CRIM1: variants seen among roughly 807,000 people sequenced by gnomAD.
CRIM1 encodes the protein cysteine-rich motor neuron 1 protein.
Under a neutral mutation model 116.4 loss-of-function variants are expected in CRIM1, and 32 were observed. The ratio of observed to expected loss-of-function variants is 0.27; its 90% CI spans 0.21 to 0.37. The LOEUF is 0.37. Ranked by LOEUF, CRIM1 falls within the 10% of genes least tolerant of loss-of-function variation. The pLI, the probability that CRIM1 is intolerant of heterozygous loss-of-function variation, is 1.00. For synonymous variants in CRIM1, 590 were observed against 509.2 expected (o/e 1.16, Z -2.13); for missense variants, 1,331 against 1,354.8 (o/e 0.98, Z 0.28).
intron 2 of CRIM1, among the ~76,000 whole-genome samples, chr2:36,401,011 G>A (rs1254324983): frequency 6.6e-6 from 1 of 152,118 alleles, no homozygotes; most frequent in Admixed American, 6.5e-5. Flanking sequence ...TCTTGGCAGA[G>A]CATAATGAGA....
At chr2:36,367,015 G>A (rs892854758) in intron 1 of CRIM1, among the ~76,000 whole-genome samples, 36 of 152,290 alleles carry the variant, frequency 2.4e-4, no homozygotes, top group Admixed American at 1.0e-3. Flanking sequence ...TGCAGATCTC[G>A]AAAACCTTTT....
intron 4 of CRIM1, among the ~76,000 whole-genome samples, chr2:36,462,308 G>GTTT (rs1677643000): frequency 6.6e-6 from 1 of 152,134 alleles, no homozygotes; most frequent in African/African-American, 2.4e-5. Context: ...TCACCTCTAT[G>GTTT]CAATATATGT....
intron 2 of CRIM1, among the ~76,000 whole-genome samples, chr2:36,409,779 TAAG>T (rs1444164090): frequency 2.0e-5 from 3 of 152,272 alleles, no homozygotes; most frequent in Non-Finnish European, 4.4e-5. Flanking sequence ...ATGTGTAACT[TAAG>T]AAAGGTATTT....
chr2:36,369,379 C>A (rs1312964591), intron 1 of CRIM1: 5 of 152,182 alleles, frequency 3.3e-5, no homozygotes, highest in African/African-American at 4.8e-5. Flanking sequence ...AGATGCTTTC[C>A]AGCAGTCTTA....
At chr2:36,389,758 T>C (rs1572622170) in intron 1 of CRIM1, among the ~76,000 whole-genome samples, 1 of 152,168 alleles carries the variant, frequency 6.6e-6, no homozygotes, top group Non-Finnish European at 1.5e-5. Flanking sequence ...CGTGCACTCA[T>C]ACCTGAAATG....
At chr2:36,484,449 A>G (rs915593270) in intron 7 of CRIM1, among the ~76,000 whole-genome samples, 5 of 152,094 alleles carry the variant, frequency 3.3e-5, no homozygotes, top group African/African-American at 1.2e-4. Flanking sequence ...GATTGAAGGT[A>G]AGATAAGGTA....
At chr2:36,395,327 T>C (rs551635508) in intron 1 of CRIM1, among the ~76,000 whole-genome samples, 9 of 152,328 alleles carry the variant, frequency 5.9e-5, no homozygotes, top group Admixed American at 1.3e-4. Context: ...AGATGGCATT[T>C]ATACCTGCCT....
At position 36,465,987 on chromosome 2, in the gene CRIM1, G is replaced by A. The variant is rs570360006; in HGVS notation, c.991+1332G>A. Among the ~76,000 whole-genome samples the A allele has an allele frequency of 7.3e-5, 11 of 151,444 alleles. No individual in the cohort carries two copies. In the East Asian group the frequency reaches 7.8e-4, roughly 11 times the overall value. ...TGCAAGCTCTGCCTCCCAGGTTCACGCCATTCTCCTACCTCAGCCTCCCAA... is the reference window on the plus strand; with the variant it reads ...TGCAAGCTCTGCCTCCCAGGTTCACACCATTCTCCTACCTCAGCCTCCCAA... On this transcript the variant is annotated intron_variant, in intron 5 of 16. Coordinates refer to ENST00000280527, the MANE Select transcript of CRIM1 (RefSeq NM_016441.3).
chr2:36,384,131 A>G (rs1670990805), intron 1 of CRIM1, among the ~76,000 whole-genome samples: 1 of 152,242 alleles, frequency 6.6e-6, no homozygotes, highest in Non-Finnish European at 1.5e-5. Context: ...ATGGTCTGCC[A>G]AAGTCTTGCC....
At chr2:36,394,627 A>G (rs2148372164) in intron 1 of CRIM1, among the ~76,000 whole-genome samples, 1 of 151,730 alleles carries the variant, frequency 6.6e-6, no homozygotes, top group South Asian at 2.1e-4. Context: ...TATAAAACAT[A>G]TATATATATC....
chr2:36,435,144 G>GT (rs1675204222), intron 2 of CRIM1, among the ~76,000 whole-genome samples: 2 of 152,152 alleles, frequency 1.3e-5, no homozygotes, highest in Admixed American at 6.5e-5. Flanking sequence ...CTACTCTAGG[G>GT]CTTTAGATTA....
At chr2:36,363,762 A>G (rs554763946) in intron 1 of CRIM1, among the ~76,000 whole-genome samples, 1 of 152,272 alleles carries the variant, frequency 6.6e-6, no homozygotes, top group East Asian at 1.9e-4. Flanking sequence ...ATCTTCTGGG[A>G]GGAAATTTTG....
intron 7 of CRIM1, among the ~76,000 whole-genome samples, chr2:36,494,394 A>G (rs2125075049): frequency 6.6e-6 from 1 of 152,330 alleles, no homozygotes; most frequent in South Asian, 2.1e-4. Context: ...AGGTTATGAA[A>G]GAAGTAACCC....
At chr2:36,421,655 G>A (rs1393439672) in intron 2 of CRIM1, among the ~76,000 whole-genome samples, 1 of 152,094 alleles carries the variant, frequency 6.6e-6, no homozygotes, top group Non-Finnish European at 1.5e-5. Context: ...TCTTAGGTGG[G>A]GACTCTTTGA....
chr2:36,548,453 A>G, intron 16 of CRIM1, 72 bp from the exon 17 acceptor site: 1 of 1,183,256 alleles, frequency 8.5e-7, no homozygotes, highest in Non-Finnish European at 1.2e-6. Flanking sequence ...GTTAGGTACT[A>G]AATTTCTGTT....
intron 2 of CRIM1, among the ~76,000 whole-genome samples, chr2:36,398,853 G>C (rs755138069): frequency 2.6e-5 from 4 of 152,210 alleles, no homozygotes; most frequent in Admixed American, 6.5e-5. Flanking sequence ...GAAAGAATTA[G>C]TGATGAAATC....
intron 2 of CRIM1, among the ~76,000 whole-genome samples, chr2:36,426,188 C>T (rs980993340): frequency 6.6e-6 from 1 of 151,752 alleles, no homozygotes; most frequent in African/African-American, 2.4e-5. Flanking sequence ...CTCTGAAATG[C>T]ATAGTCCAGA....
chr2:36,543,064 G>T (rs1326759218), intron 14 of CRIM1, among the ~76,000 whole-genome samples: 1 of 152,054 alleles, frequency 6.6e-6, no homozygotes, highest in Non-Finnish European at 1.5e-5. Context: ...AACTATAATT[G>T]TTCCCAGTTC....
At chr2:36,422,567 T>A (rs1674151663) in intron 2 of CRIM1, among the ~76,000 whole-genome samples, 1 of 152,176 alleles carries the variant, frequency 6.6e-6, no homozygotes, top group African/African-American at 2.4e-5. Flanking sequence ...TGAATTTAGG[T>A]AGTAATTTAC....
Sources: allele counts gnomAD v4.1 joint callset (sites outside exome capture counted in the v4.1 genomes callset), GRCh38; gene constraint gnomAD v4.1.1; transcripts MANE v1.5; gene names NCBI Gene and HGNC (gene_info 2026-07-23, HGNC 2026-07-21).